CDH19: variants seen among roughly 807,000 people sequenced by gnomAD.
CDH19 encodes the protein cadherin-19.
In CDH19, 67 loss-of-function variants were observed where a neutral mutation model predicts 64.2. The ratio of observed to expected loss-of-function variants is 1.04; its 90% CI spans 0.86 to 1.28. CDH19 has a LOEUF of 1.28. Among genes scored for constraint, CDH19 ranks in the 50% most tolerant of loss-of-function variants. The pLI, the probability that CDH19 is intolerant of heterozygous loss-of-function variation, is 0.00. For synonymous variants in CDH19, 346 were observed against 319.3 expected (o/e 1.08, Z -0.89); for missense variants, 1,030 against 929.0 (o/e 1.11, Z -1.41).
At chr18:66,555,129 G>A (rs1029075730) in intron 3 of CDH19, among the ~76,000 whole-genome samples, 11 of 151,650 alleles carry the variant, frequency 7.3e-5, no homozygotes, top group Admixed American at 5.9e-4. Flanking sequence ...TTAAAATTCA[G>A]TAACAAGAAA....
intron 1 of CDH19, among the ~76,000 whole-genome samples, chr18:66,591,765 G>T (rs1757176810): frequency 6.6e-6 from 1 of 151,690 alleles, no homozygotes; most frequent in Non-Finnish European, 1.5e-5. Context: ...AAGTCATATT[G>T]GTATTTGAGG....
chr18:66,540,325 T>C lies in CDH19; in HGVS notation c.1214+3646A>G, dbSNP rs566654584. ...TACAAAATATTTCAAAGTTTGACTT[T>C]AGACTTAATTTGAAAGGAAACTTCA... On this transcript the variant is annotated intron_variant, in intron 7 of 11. Transcript: ENST00000262150. Among the ~76,000 whole-genome samples, 10 of 152,302 alleles carry C rather than the reference T, an allele frequency of 6.6e-5. No individual in the cohort carries two copies. The South Asian group carries it at 1.4e-3, about 22-fold the overall frequency.
At chr18:66,574,550 A>T (rs1988209880) in intron 1 of CDH19, among the ~76,000 whole-genome samples, 1 of 151,690 alleles carries the variant, frequency 6.6e-6, no homozygotes, top group South Asian at 2.1e-4. Flanking sequence ...CTGAAAAAAC[A>T]TAATGAGAAA....
intron 3 of CDH19, among the ~76,000 whole-genome samples, chr18:66,561,178 C>A (rs1050472184): frequency 9.9e-5 from 15 of 152,192 alleles, no homozygotes; most frequent in Admixed American, 5.9e-4. Flanking sequence ...ATGGAAGAAG[C>A]TACAAGTACA....
intron 11 of CDH19, among the ~76,000 whole-genome samples, chr18:66,508,527 T>C (rs2144336394): frequency 6.6e-6 from 1 of 151,872 alleles, no homozygotes; most frequent in South Asian, 2.1e-4. Flanking sequence ...GCACAAAGCT[T>C]TTTGAGTTTC....
Position 66,529,952 on chromosome 18 carries a change from T to A in CDH19, c.1351A>T (p.Ile451Phe). Reference protein sequence around the residue: ...TATEKYNIEQISSIPLYVQVL... With the variant: ...TATEKYNIEQFSSIPLYVQVL... Reference sequence around the variant, plus strand: ...TGCACATACAGTGGGATCGAAGAGATCTGTTCTATATTGTCTGCAATTTGA... The same window carrying A: ...TGCACATACAGTGGGATCGAAGAGAACTGTTCTATATTGTCTGCAATTTGA... The change falls in exon 9 of 12, where the codon ATC (isoleucine) becomes TTC (phenylalanine). Residue 451 changes from isoleucine (I) to phenylalanine (F), a missense_variant. Ile to Phe is a conservative substitution (Grantham distance 21). Transcript: ENST00000262150. The A allele has an allele frequency of 6.5e-7, 1 of 1,543,684 alleles. No homozygotes were observed. The highest frequency in any genetic ancestry group is 8.9e-7 in the Non-Finnish European group (1 of 1,126,732).
chr18:66,596,497 AT>A (rs1439244359), intron 1 of CDH19, among the ~76,000 whole-genome samples: 1 of 152,128 alleles, frequency 6.6e-6, no homozygotes, highest in Non-Finnish European at 1.5e-5. Context: ...TAACATTTCT[AT>A]ATACTGAGAA....
At chr18:66,552,788 T>G (rs1314540127) in intron 4 of CDH19, among the ~76,000 whole-genome samples, 1 of 134,432 alleles carries the variant, frequency 7.4e-6, no homozygotes, top group East Asian at 1.9e-4. Flanking sequence ...AAAGTCAGTG[T>G]GCAGGGTAGG....
intron 5 of CDH19, among the ~76,000 whole-genome samples, chr18:66,545,813 T>C (rs1987093155): frequency 6.6e-6 from 1 of 152,076 alleles, no homozygotes; most frequent in South Asian, 2.1e-4. Context: ...CAAGGAAATA[T>C]AGATCGAAAG....
At chr18:66,515,904 T>C (rs1598971048) in intron 9 of CDH19, among the ~76,000 whole-genome samples, 1 of 151,872 alleles carries the variant, frequency 6.6e-6, no homozygotes, top group Admixed American at 6.6e-5. Flanking sequence ...GGTACAATCA[T>C]GGATAAAGTT....
chr18:66,544,188 T>C lies in CDH19; in HGVS notation c.997A>G (p.Arg333Gly). The change falls in exon 7 of 12, where the codon AGA becomes GGA. Residue 333 changes from arginine to glycine, a missense_variant. By Grantham distance (125) the Arg-to-Gly change is moderately radical (BLOSUM62 -2). Transcript: ENST00000262150. ...DFEHQNHYGI[R>G]AKVKNHHVPE... ...ACATGATGGTTTTTAACTTTTGCTC[T>C]AATACCGTAGTGGTTCTGGTGCTCA... 6.2e-7 allele frequency: 1 copy of C among 1,613,802 alleles called. No homozygotes were observed. The highest frequency in any genetic ancestry group is 1.3e-5 in the African/African-American group (1 of 75,046).
intron 10 of CDH19, among the ~76,000 whole-genome samples, chr18:66,510,013 C>G (rs999192887): frequency 6.6e-6 from 1 of 151,816 alleles, no homozygotes; most frequent in African/African-American, 2.4e-5. Flanking sequence ...TGCAATGACT[C>G]TTCTGTGAAT....
chr18:66,556,248 C>A (rs749414718), intron 3 of CDH19, among the ~76,000 whole-genome samples: 2 of 151,564 alleles, frequency 1.3e-5, no homozygotes, highest in Admixed American at 6.6e-5. Flanking sequence ...TATCATCTCA[C>A]AAAGTTACCC....
At chr18:66,528,987 C>T (rs747999355) in intron 9 of CDH19, among the ~76,000 whole-genome samples, 3 of 151,844 alleles carry the variant, frequency 2.0e-5, no homozygotes, top group Non-Finnish European at 4.4e-5. Context: ...ATTTAATAGT[C>T]TTCTGTGTGC....
intron 3 of CDH19, among the ~76,000 whole-genome samples, chr18:66,566,955 T>C (rs147641054): frequency 2.1e-4 from 32 of 151,926 alleles, no homozygotes; most frequent in Non-Finnish European, 4.3e-4. Context: ...GGATTCTTTT[T>C]TCCTAGAATG....
In CDH19 at chr18:66,504,639, A is replaced by G. The variant is rs951849078; in HGVS notation, c.*173T>C. ...ACATTTCTCCCCACATCTCTGTTCA[A>G]TGACAGCATGTAGGTAGCTTAAAAT... On this transcript the variant is annotated 3_prime_UTR_variant, in exon 12 of 12. Coordinates refer to ENST00000262150, the MANE Select transcript of CDH19 (RefSeq NM_021153.4). 4.3e-5 allele frequency: 24 copies of G among 552,674 alleles called. No individual in the cohort carries two copies. Among genetic ancestry groups the G allele is most frequent in the African/African-American group, 3.5e-4 (19 of 53,746 alleles). The allele number at this position is 552,674 out of a possible 1,614,324, so 34.2% of individuals were successfully genotyped here. A position where few individuals can be genotyped will look rare whatever the true frequency, so the allele number is the denominator to read the frequency against.
At chr18:66,564,868 T>TG (rs1987850980) in intron 3 of CDH19, among the ~76,000 whole-genome samples, 1 of 134,116 alleles carries the variant, frequency 7.5e-6, no homozygotes, top group Non-Finnish European at 1.5e-5. Flanking sequence ...GCCCCTTCTT[T>TG]TTTTTTTTTT....
chr18:66,568,703 G>A lies in CDH19; in HGVS notation c.203C>T (p.Ser68Phe). ...AGAATTGTTTCCATTGTCTAAATCA[G>A]ATCTTAGCTGCAAATGGAAAGAGGG... ...TTSHHIGQLR[S>F]DLDNGNNSFQ... The change falls in exon 3 of 12, where the codon TCT (serine) becomes TTT (phenylalanine). Residue 68 changes from serine (S) to phenylalanine (F), a missense_variant. Transcript: ENST00000262150. The A allele has an allele frequency of 1.3e-6, 2 of 1,592,574 alleles. No individual in the cohort carries two copies. Among genetic ancestry groups the A allele is most frequent in the Non-Finnish European group, 1.7e-6 (2 of 1,171,192 alleles).
chr18:66,552,298 CA>C lies in CDH19; in HGVS notation c.611-1041del, dbSNP rs1334445822. 4.0e-5 allele frequency among the ~76,000 whole-genome samples: 6 copies of C among 151,884 alleles called. No homozygotes were observed. The East Asian group carries it at 1.2e-3, about 29-fold the overall frequency. On this transcript the variant is annotated intron_variant, in intron 4 of 11. Transcript: ENST00000262150. ...CACACCTGATTTCAAAGACTGAGAACAAAAAATGTGAACTATCTCCATAGTT... is the reference window on the plus strand; with the variant it reads ...CACACCTGATTTCAAAGACTGAGAACAAAAATGTGAACTATCTCCATAGTT...
Sources: gnomAD v4.1 joint callset for allele counts (sites outside exome capture counted in the v4.1 genomes callset) on GRCh38, gnomAD v4.1.1 for gene constraint, MANE v1.5 for transcripts, NCBI Gene and HGNC (gene_info 2026-07-23, HGNC 2026-07-21) for gene names.